ST3GAL6: variants seen among roughly 807,000 people sequenced by gnomAD.
ST3GAL6 encodes the protein ST3 beta-galactoside alpha-2,3-sialyltransferase 6, also known as type 2 lactosamine alpha-2,3-sialyltransferase.
ST3GAL6 carries 31 observed loss-of-function variants against 40.5 expected under a neutral mutation model. That is an observed-to-expected ratio of 0.77 (90% CI 0.58 to 1.03). The LOEUF (loss-of-function observed/expected upper bound fraction) is 1.03. Among genes scored for constraint, ST3GAL6 ranks in the 50% least tolerant of loss-of-function variants. The probability of loss-of-function intolerance (pLI) is 0.00; values close to 1 mark genes in which losing one functional copy is unlikely to be tolerated. For missense variants in ST3GAL6, 357 were observed against 393.2 expected (o/e 0.91, Z 0.78); for synonymous variants, 129 against 136.9 (o/e 0.94, Z 0.40).
At chr3:98,740,530 A>C (rs1446184475) in intron 1 of ST3GAL6, among the ~76,000 whole-genome samples, 7 of 151,958 alleles carry the variant, frequency 4.6e-5, no homozygotes. Context: ...CTTCTCCTCC[A>C]CACTCTCCCA....
upstream of ST3GAL6, chr3:98,762,729 G>A: frequency 2.3e-6 from 2 of 878,316 alleles, no homozygotes; most frequent in Non-Finnish European, 2.7e-6. Context: ...TTAAAAATAT[G>A]GTTATTATAG....
At chr3:98,756,565 G>A in intron 1 of ST3GAL6, 1 of 1,215,880 alleles carries the variant, frequency 8.2e-7, no homozygotes, top group African/African-American at 1.6e-5. Context: ...CACCACCATT[G>A]TCTCAAATTG....
chr3:98,762,224 C>T (rs1312653014), upstream of ST3GAL6, among the ~76,000 whole-genome samples: 1 of 152,120 alleles, frequency 6.6e-6, no homozygotes, highest in African/African-American at 2.4e-5. Context: ...GTTAATTATA[C>T]GTGTTCCCTT....
At chr3:98,745,603 A>G (rs1936482086) in intron 1 of ST3GAL6, among the ~76,000 whole-genome samples, 1 of 152,186 alleles carries the variant, frequency 6.6e-6, no homozygotes, top group Non-Finnish European at 1.5e-5. Context: ...ATTGCTAGCA[A>G]CTATGGGAAA....
At chr3:98,748,778 A>G (rs368030995) in intron 1 of ST3GAL6, among the ~76,000 whole-genome samples, 1 of 152,102 alleles carries the variant, frequency 6.6e-6, no homozygotes, top group East Asian at 1.9e-4. Flanking sequence ...CGCTATTATT[A>G]TTTTCATCAC....
chr3:98,732,501 G>A, exon 1 of ST3GAL6: 1 of 208,548 alleles, frequency 4.8e-6, no homozygotes. Context: ...GCCCGGCGAG[G>A]GCGCGCGGCT....
chr3:98,768,303 C>T, intron 1 of ST3GAL6, 127 bp from the exon 2 acceptor site: 1 of 718,444 alleles, frequency 1.4e-6, no homozygotes, highest in East Asian at 2.6e-5. Flanking sequence ...AATTACATGC[C>T]CACATCATTT....
intron 5 of ST3GAL6, among the ~76,000 whole-genome samples, chr3:98,776,587 T>C (rs1488987512): frequency 1.3e-5 from 2 of 152,202 alleles, no homozygotes; most frequent in African/African-American, 4.8e-5. Flanking sequence ...GTAGAAGGGA[T>C]TACTTTCAAG....
At chr3:98,754,340 A>G (rs1371554155) in intron 1 of ST3GAL6, among the ~76,000 whole-genome samples, 1 of 152,260 alleles carries the variant, frequency 6.6e-6, no homozygotes, top group African/African-American at 2.4e-5. Context: ...ATTGATGGGA[A>G]TAGCAAGAGA....
chr3:98,740,253 TTTGATGTGTATGG>T (rs1935955631), intron 1 of ST3GAL6, among the ~76,000 whole-genome samples: 1 of 143,950 alleles, frequency 6.9e-6, no homozygotes, highest in Non-Finnish European at 1.5e-5. Context: ...TTTTTACAAA[TTTGATGTGTATGG>T]TTCTTCTGCT....
At chr3:98,747,097 T>C (rs970682127) in intron 1 of ST3GAL6, among the ~76,000 whole-genome samples, 1 of 152,234 alleles carries the variant, frequency 6.6e-6, no homozygotes, top group African/African-American at 2.4e-5. Flanking sequence ...CCTGTAAGGT[T>C]GTGCCTTGGA....
At chr3:98,733,715 A>G (rs1559714645) in intron 1 of ST3GAL6, 1 of 618,180 alleles carries the variant, frequency 1.6e-6, no homozygotes, top group Non-Finnish European at 2.0e-6. Flanking sequence ...GTGTGCTGTT[A>G]TTTTGGCTTA....
In ST3GAL6 at chr3:98,770,860, CATT is replaced by C. The variant is rs1938908839; in HGVS notation, c.90-15_90-13del. Reference sequence around the variant, plus strand: ...GTGCCCGATTCTGGTTTCTGACTGACATTATTTTTGTCTCATAGGGTGGCACCT... The same window carrying C: ...GTGCCCGATTCTGGTTTCTGACTGACATTTTTGTCTCATAGGGTGGCACCT... On this transcript the variant is annotated splice_polypyrimidine_tract_variant and intron_variant, in intron 2 of 9. Transcript: ENST00000483910. 1 of 1,612,062 alleles carries C rather than the reference CATT, an allele frequency of 6.2e-7. No individual in the cohort carries two copies.
chr3:98,772,862 G>T lies in ST3GAL6; in HGVS notation c.217G>T (p.Ala73Ser). 2 of 1,613,302 alleles carry T rather than the reference G, an allele frequency of 1.2e-6. No homozygotes were observed. The highest frequency in any genetic ancestry group is 1.7e-6 in the Non-Finnish European group (2 of 1,179,452). ...FLCAADFRKIASLYGSDKFDL... is the reference protein window; with the variant it reads ...FLCAADFRKISSLYGSDKFDL... ...GTGTGCGGCTGATTTTAGAAAGATT[G>T]CTTCCTTGTATGGTAGCGATAAGTT... Residue 73 changes from alanine to serine, a missense_variant, in exon 4 of 10, where the codon GCT (alanine) becomes TCT (serine). Coordinates refer to ENST00000483910, the MANE Select transcript of ST3GAL6 (RefSeq NM_001323368.2).
chr3:98,735,371 T>A (rs925057855), intron 1 of ST3GAL6, among the ~76,000 whole-genome samples: 4 of 152,322 alleles, frequency 2.6e-5, no homozygotes, highest in African/African-American at 7.2e-5. Context: ...AATATGCCTT[T>A]CTAGTTATCC....
intron 1 of ST3GAL6, among the ~76,000 whole-genome samples, chr3:98,738,279 T>C (rs965994677): frequency 2.0e-5 from 3 of 151,984 alleles, no homozygotes; most frequent in African/African-American, 7.3e-5. Context: ...TATTTCTTTC[T>C]TTCTTTTTTT....
intron 4 of ST3GAL6, 117 bp downstream of exon 4, chr3:98,773,033 G>T (rs1049316362): frequency 1.6e-6 from 1 of 612,320 alleles, no homozygotes; most frequent in South Asian, 2.4e-5. Context: ...ATTTCCAATG[G>T]ATATGATTTT....
chr3:98,742,515 A>G (rs1936177541), intron 1 of ST3GAL6, among the ~76,000 whole-genome samples: 1 of 152,186 alleles, frequency 6.6e-6, no homozygotes, highest in Non-Finnish European at 1.5e-5. Context: ...AAAACAGAGC[A>G]AAGCAGAATA....
intron 1 of ST3GAL6, among the ~76,000 whole-genome samples, chr3:98,742,653 T>C (rs903414430): frequency 6.6e-6 from 1 of 152,104 alleles, no homozygotes; most frequent in Non-Finnish European, 1.5e-5. Flanking sequence ...GATTCAAATA[T>C]ACAGACTTCT....
Sources: allele counts gnomAD v4.1 joint callset (sites outside exome capture counted in the v4.1 genomes callset), GRCh38; gene constraint gnomAD v4.1.1; transcripts MANE v1.5; gene names NCBI Gene and HGNC (gene_info 2026-07-23, HGNC 2026-07-21).